PPP4R2: variants seen among roughly 807,000 people sequenced by gnomAD.
The protein encoded by PPP4R2 is serine/threonine-protein phosphatase 4 regulatory subunit 2.
Under a neutral mutation model 47.2 loss-of-function variants are expected in PPP4R2, and 13 were observed. The ratio of observed to expected loss-of-function variants is 0.28; its 90% CI spans 0.18 to 0.44. The LOEUF is 0.44. Among genes scored for constraint, PPP4R2 ranks in the 20% least tolerant of loss-of-function variants. The pLI is 1.00. For synonymous variants in PPP4R2, 151 were observed against 163.3 expected, an observed-to-expected ratio of 0.92 and a Z score of 0.57; for missense variants, 421 against 491.2, an observed-to-expected ratio of 0.86 and a Z score of 1.35.
At chr3:73,015,719 G>A in intron 2 of PPP4R2, 2 of 368,064 alleles carry the variant, frequency 5.4e-6, no homozygotes, top group Admixed American at 3.0e-5. Context: ...CTCACTGCAA[G>A]CTCCACCCCC....
intron 2 of PPP4R2, chr3:73,015,915 G>T (rs562789943): frequency 3.2e-6 from 1 of 308,304 alleles, no homozygotes; most frequent in South Asian, 2.3e-5. Context: ...TGGGATTACA[G>T]ACGTGAACTA....
chr3:73,010,435 A>G (rs1270834594), intron 2 of PPP4R2, among the ~76,000 whole-genome samples: 2 of 152,146 alleles, frequency 1.3e-5, no homozygotes, highest in African/African-American at 4.8e-5. Flanking sequence ...GTGAAGAGCC[A>G]TTTGCAGCTA....
rs372141528 is a variant in PPP4R2 at position 73,064,996 on chromosome 3, T to C, written c.783T>C (p.Ser261=). 5.0e-6 allele frequency: 8 copies of C among 1,613,712 alleles called. No homozygotes were observed. Among genetic ancestry groups the C allele is most frequent in the Non-Finnish European group, 5.9e-6 (7 of 1,179,830 alleles). ...DKEGEVRETA[S]QTTSSEISSV... ...AAGGTGAAGTCAGAGAAACAGCCAG[T>C]CAAACGACTTCCAGCGAAATTTCTT... The change falls in exon 8 of 9, where the codon AGT becomes AGC. Residue 261 remains serine (S), a synonymous_variant. Coordinates refer to ENST00000356692, the MANE Select transcript of PPP4R2 (RefSeq NM_174907.4).
chr3:72,998,239 G>T, intron 2 of PPP4R2, 81 bp downstream of exon 2: 1 of 851,206 alleles, frequency 1.2e-6, no homozygotes, highest in Non-Finnish European at 1.9e-6. Flanking sequence ...AGTATATTTT[G>T]GGATAATTAA....
At chr3:73,036,651 T>C (rs556588744) in intron 2 of PPP4R2, among the ~76,000 whole-genome samples, 1 of 152,350 alleles carries the variant, frequency 6.6e-6, no homozygotes, top group African/African-American at 2.4e-5. Context: ...AAGTACAAAT[T>C]GTTCTTGTGA....
chr3:73,027,818 G>T (rs1314871600), intron 2 of PPP4R2: 1 of 151,472 alleles, frequency 6.6e-6, no homozygotes, highest in Non-Finnish European at 1.5e-5. Context: ...GAATGTTACA[G>T]CTCTTTTAGA....
At chr3:73,001,157 A>G (rs1456584476) in intron 2 of PPP4R2, among the ~76,000 whole-genome samples, 1 of 152,192 alleles carries the variant, frequency 6.6e-6, no homozygotes. Flanking sequence ...TCTTGGTGGT[A>G]GAGAAGTTTA....
chr3:73,001,913 C>T (rs574935897), intron 2 of PPP4R2, among the ~76,000 whole-genome samples: 1 of 152,332 alleles, frequency 6.6e-6, no homozygotes, highest in South Asian at 2.1e-4. Flanking sequence ...AGGCGTGAAC[C>T]ATCGCCCCCG....
chr3:73,062,307 A>G lies in PPP4R2; in HGVS notation c.419+1247A>G, dbSNP rs750907427. ...GAGTGGGCTCCCTGACCTTCAAGGA[A>G]GATTTGAGCTATCTGGGAAAAACAG... On this transcript the variant is annotated intron_variant, in intron 5 of 8. Transcript: ENST00000356692. The G allele has an allele frequency of 5.0e-6, 8 of 1,606,936 alleles. No homozygotes were observed. The Admixed American group carries it at 5.2e-5, about 10-fold the overall frequency.
Position 73,047,371 on chromosome 3 carries a change from C to T in PPP4R2, c.287+15C>T, listed in dbSNP as rs1702505888. On this transcript the variant is annotated intron_variant, in intron 3 of 8. Coordinates refer to ENST00000356692, the MANE Select transcript of PPP4R2 (RefSeq NM_174907.4). Reference sequence around the variant, plus strand: ...GGATTTAATGGGTATGCACTTAATACTGTTTTAAAGATTTAATTTTTAGCA... The same window carrying T: ...GGATTTAATGGGTATGCACTTAATATTGTTTTAAAGATTTAATTTTTAGCA... 1 of 1,527,002 alleles carries T rather than the reference C, an allele frequency of 6.5e-7. No homozygotes were observed. The highest frequency in any genetic ancestry group is 1.2e-5 in the South Asian group (1 of 81,894). 94.6% of individuals were successfully genotyped at this position (1,527,002 alleles called of 1,614,324 possible). A position where few individuals can be genotyped will look rare whatever the true frequency, so the allele number is the denominator to read the frequency against.
intron 5 of PPP4R2, chr3:73,063,172 G>A (rs1702906954): frequency 6.7e-6 from 3 of 449,652 alleles, no homozygotes; most frequent in Non-Finnish European, 1.2e-5. Flanking sequence ...CACATTTTTG[G>A]GATTTAAAGC....
chr3:73,024,974 T>TTA (rs1268090894), intron 2 of PPP4R2, among the ~76,000 whole-genome samples: 1 of 152,182 alleles, frequency 6.6e-6, no homozygotes, highest in African/African-American at 2.4e-5. Context: ...GCAGAAGTTG[T>TTA]TAGACTTGTT....
chr3:73,003,707 GT>G (rs201167262), intron 2 of PPP4R2, among the ~76,000 whole-genome samples: 3 of 119,758 alleles, frequency 2.5e-5, no homozygotes, highest in Non-Finnish European at 5.5e-5. Flanking sequence ...TTTTTGTTTT[GT>G]TTTTTTTTGA....
chr3:73,040,388 T>TA (rs1702353330), intron 2 of PPP4R2, among the ~76,000 whole-genome samples: 1 of 152,194 alleles, frequency 6.6e-6, no homozygotes, highest in African/African-American at 2.4e-5. Flanking sequence ...TAATTTCACT[T>TA]ACAGAAATCT....
intron 3 of PPP4R2, among the ~76,000 whole-genome samples, chr3:73,055,761 C>T (rs970830771): frequency 2.0e-5 from 3 of 151,838 alleles, no homozygotes; most frequent in African/African-American, 7.3e-5. Flanking sequence ...CTCCACCGCC[C>T]AGGTTCAAGC....
Position 73,044,971 on chromosome 3 carries a change from A to G in PPP4R2, c.117-2215A>G, listed in dbSNP as rs1020231937. 1.4e-4 allele frequency among the ~76,000 whole-genome samples: 22 copies of G among 152,182 alleles called. No individual in the cohort carries two copies. In the East Asian group the frequency reaches 2.7e-3, roughly 19 times the overall value. ...AATTTTGATGTAATTCAATTTATCA[A>G]TTTTGTTGCTTGTGCTTTTGGTATC... On this transcript the variant is annotated intron_variant, in intron 2 of 8. Transcript: ENST00000356692.
In PPP4R2 at chr3:72,997,674, A is replaced by G. The variant is rs949272488; in HGVS notation, c.35-403A>G. Among the ~76,000 whole-genome samples the G allele has an allele frequency of 2.6e-5, 4 of 152,146 alleles. No homozygotes were observed. In the East Asian group the frequency reaches 7.7e-4, roughly 29 times the overall value. ...GAATTATTCTTTGACATTCAGAATC[A>G]TTTGGGGACGGCAACTTGGGGTAGT... On this transcript the variant is annotated intron_variant, in intron 1 of 8. Coordinates refer to ENST00000356692, the MANE Select transcript of PPP4R2 (RefSeq NM_174907.4).
rs758523242 is a variant in PPP4R2, at chr3:73,062,798, C to G, written c.420-875C>G. 4 of 1,613,934 alleles carry G rather than the reference C, an allele frequency of 2.5e-6. No individual in the cohort carries two copies. The South Asian group carries it at 4.4e-5, about 18-fold the overall frequency. ...TAATCAGCTGCAATGCAGAATCAGC[C>G]ATAGGTTGGATCAGCTCAAGACCAT... On this transcript the variant is annotated intron_variant, in intron 5 of 8. Coordinates refer to ENST00000356692, the MANE Select transcript of PPP4R2 (RefSeq NM_174907.4).
intron 2 of PPP4R2, among the ~76,000 whole-genome samples, chr3:73,023,555 G>A (rs1035497165): frequency 3.3e-5 from 5 of 152,102 alleles, no homozygotes; most frequent in Admixed American, 6.6e-5. Flanking sequence ...GGCATAAGGT[G>A]TTAAAAAACA....
Sources: allele counts gnomAD v4.1 joint callset (sites outside exome capture counted in the v4.1 genomes callset), GRCh38; gene constraint gnomAD v4.1.1; transcripts MANE v1.5; gene names NCBI Gene and HGNC (gene_info 2026-07-23, HGNC 2026-07-21).